The following KCNMA1 variants were observed in gnomAD, a reference collection of about 807,000 sequenced individuals.
KCNMA1 encodes Calcium-activated potassium channel subunit alpha-1.
A neutral mutation model predicts 140.0 loss-of-function variants in KCNMA1; 29 were observed. That is an observed-to-expected ratio of 0.21 (90% CI 0.15 to 0.28). KCNMA1 has a LOEUF of 0.28. KCNMA1 is among the 10% of genes least tolerant of loss of function. The probability of loss-of-function intolerance (pLI) is 1.00; values close to 1 mark genes in which losing one functional copy is unlikely to be tolerated. For missense variants in KCNMA1, 880 were observed against 1,602.2 expected (o/e 0.55, Z 7.70); for synonymous variants, 612 against 611.9 (o/e 1.00, Z 0.00).
chr10:77,610,075 G>C (rs2086247156), intron 1 of KCNMA1, among the ~76,000 whole-genome samples: 1 of 152,188 alleles, frequency 6.6e-6, no homozygotes, highest in Non-Finnish European at 1.5e-5. Context: ...TCCTCTGCCT[G>C]CGGCTTTCTG....
At chr10:77,484,278 T>C (rs1203125981) in intron 1 of KCNMA1, among the ~76,000 whole-genome samples, 2 of 152,230 alleles carry the variant, frequency 1.3e-5, no homozygotes, top group Non-Finnish European at 2.9e-5. Flanking sequence ...TGGGTGTCGT[T>C]ATCTACATCT....
intron 20 of KCNMA1, among the ~76,000 whole-genome samples, chr10:76,962,273 A>G (rs916229832): frequency 1.3e-5 from 2 of 152,234 alleles, no homozygotes; most frequent in African/African-American, 2.4e-5. Context: ...CAAACACACA[A>G]AAATGTTATG....
intron 5 of KCNMA1, among the ~76,000 whole-genome samples, chr10:77,155,290 AGT>A (rs2098470288): frequency 6.6e-6 from 1 of 152,234 alleles, no homozygotes; most frequent in Non-Finnish European, 1.5e-5. Context: ...ATCTCCAAAA[AGT>A]GTGATTCTAT....
chr10:77,264,483 G>T (rs2062871195), intron 2 of KCNMA1, among the ~76,000 whole-genome samples: 1 of 152,162 alleles, frequency 6.6e-6, no homozygotes, highest in Non-Finnish European at 1.5e-5. Context: ...TTTTAAAAAG[G>T]AAGATCATGT....
intron 2 of KCNMA1, among the ~76,000 whole-genome samples, chr10:77,349,846 G>C (rs965001315): frequency 6.6e-6 from 1 of 152,154 alleles, no homozygotes; most frequent in African/African-American, 2.4e-5. Context: ...TTTTTTTAAA[G>C]AGCTCTAAAC....
chr10:77,164,656 CA>C (rs1253953902), intron 5 of KCNMA1, among the ~76,000 whole-genome samples: 1 of 152,104 alleles, frequency 6.6e-6, no homozygotes, highest in Non-Finnish European at 1.5e-5. Flanking sequence ...GTGGCTTTGG[CA>C]AAAGCACATT....
intron 2 of KCNMA1, among the ~76,000 whole-genome samples, chr10:77,290,802 G>C (rs1356522995): frequency 6.6e-6 from 1 of 152,174 alleles, no homozygotes; most frequent in Non-Finnish European, 1.5e-5. Flanking sequence ...TTTTCAAAGG[G>C]AGGAAAATTC....
chr10:77,482,621 A>T (rs35790), intron 1 of KCNMA1, among the ~76,000 whole-genome samples: 82,752 of 151,746 alleles, frequency 0.55, 22,787 homozygotes, highest in East Asian at 0.79. Flanking sequence ...GCCACATGTA[A>T]CCTTCACAGT....
At chr10:76,941,166 A>AGGGAG (rs374533963) in intron 23 of KCNMA1, among the ~76,000 whole-genome samples, 1 of 102,128 alleles carries the variant, frequency 9.8e-6, no homozygotes, top group African/African-American at 3.9e-5. Context: ...AGGGAAGGGA[A>AGGGAG]GGAAGGAAGG....
At chr10:77,022,593 G>A (rs1438657679) in intron 16 of KCNMA1, among the ~76,000 whole-genome samples, 1 of 152,196 alleles carries the variant, frequency 6.6e-6, no homozygotes. Flanking sequence ...CCACAGTTGA[G>A]TAGAGGGGTA....
intron 1 of KCNMA1, chr10:77,636,301 G>A (rs550959983): frequency 1.3e-6 from 2 of 1,494,738 alleles, no homozygotes; most frequent in Admixed American, 4.1e-5. Context: ...CTAGGGACAC[G>A]ACTACAGACC....
chr10:77,097,098 T>C (rs1301618550), intron 9 of KCNMA1, among the ~76,000 whole-genome samples: 1 of 152,148 alleles, frequency 6.6e-6, no homozygotes, highest in Non-Finnish European at 1.5e-5. Flanking sequence ...CACCTCTCCA[T>C]GACACTCCTG....
chr10:77,079,684 G>T (rs1295242530), intron 12 of KCNMA1, 134 bp from the exon 13 acceptor site: 1 of 713,798 alleles, frequency 1.4e-6, no homozygotes. Flanking sequence ...CCAGAGGCAG[G>T]GCTCAGATAC....
chr10:77,023,760 T>C (rs973475076), intron 16 of KCNMA1, among the ~76,000 whole-genome samples: 1 of 152,178 alleles, frequency 6.6e-6, no homozygotes, highest in African/African-American at 2.4e-5. Context: ...TTTCATTTTT[T>C]CTGGGCTTTC....
At chr10:77,054,888 G>A (rs1439822258) in intron 14 of KCNMA1, among the ~76,000 whole-genome samples, 2 of 152,034 alleles carry the variant, frequency 1.3e-5, no homozygotes, top group Non-Finnish European at 2.9e-5. Context: ...TGTTCTACCA[G>A]GAGACGCACA....
chr10:77,164,471 C>T (rs2098609817), intron 5 of KCNMA1, among the ~76,000 whole-genome samples: 1 of 152,024 alleles, frequency 6.6e-6, no homozygotes, highest in Non-Finnish European at 1.5e-5. Flanking sequence ...CAGACACAAA[C>T]TCATAATTCA....
At chr10:77,604,381 A>C (rs1364217226) in intron 1 of KCNMA1, among the ~76,000 whole-genome samples, 1 of 152,254 alleles carries the variant, frequency 6.6e-6, no homozygotes, top group Non-Finnish European at 1.5e-5. Flanking sequence ...AAGAAAAAAC[A>C]ATCAGCAGGC....
chr10:77,569,872 A>G (rs2070214275), intron 1 of KCNMA1, among the ~76,000 whole-genome samples: 1 of 152,202 alleles, frequency 6.6e-6, no homozygotes, highest in South Asian at 2.1e-4. Flanking sequence ...TCTACAATGA[A>G]CTCAAACAAA....
chr10:77,172,702 C>CAA (rs60848414), intron 5 of KCNMA1, among the ~76,000 whole-genome samples: 7 of 146,162 alleles, frequency 4.8e-5, no homozygotes, highest in Non-Finnish European at 6.0e-5. Flanking sequence ...CAAAAAAAAA[C>CAA]AAAAAAAAAA....
Sources: allele counts gnomAD v4.1 joint callset (sites outside exome capture counted in the v4.1 genomes callset), GRCh38; gene constraint gnomAD v4.1.1; transcripts MANE v1.5; gene names NCBI Gene and HGNC (gene_info 2026-07-23, HGNC 2026-07-21).